CCSER1: variants seen among roughly 807,000 people sequenced by gnomAD.
CCSER1 encodes serine-rich coiled-coil domain-containing protein 1.
In CCSER1, 41 loss-of-function variants were observed where a neutral mutation model predicts 82.0. The observed-to-expected ratio is 0.50, with a 90% confidence interval of 0.39 to 0.65. CCSER1 has a LOEUF of 0.65. Among genes scored for constraint, CCSER1 ranks in the 30% least tolerant of loss-of-function variants. The probability of loss-of-function intolerance (pLI) is 0.00; values close to 1 mark genes in which losing one functional copy is unlikely to be tolerated. For missense variants in CCSER1, 1,119 were observed against 1,064.2 expected, an observed-to-expected ratio of 1.05 and a Z score of -0.72; for synonymous variants, 414 against 383.9, an observed-to-expected ratio of 1.08 and a Z score of -0.92.
intron 5 of CCSER1, among the ~76,000 whole-genome samples, chr4:90,586,484 C>T (rs115480742): frequency 0.013 from 1,995 of 151,978 alleles, 37 homozygotes; most frequent in African/African-American, 0.04. Context: ...TTAATTAATG[C>T]GAGAATCAGA....
chr4:90,552,174 T>C (rs1335153189), intron 5 of CCSER1, among the ~76,000 whole-genome samples: 1 of 152,142 alleles, frequency 6.6e-6, no homozygotes, highest in African/African-American at 2.4e-5. Flanking sequence ...GCCATTAAGT[T>C]TCAACACCTG....
chr4:91,485,023 A>G (rs1758141319), intron 10 of CCSER1, among the ~76,000 whole-genome samples: 1 of 152,180 alleles, frequency 6.6e-6, no homozygotes, highest in Non-Finnish European at 1.5e-5. Context: ...AATTCCATTC[A>G]TAGGCTTGAC....
intron 1 of CCSER1, among the ~76,000 whole-genome samples, chr4:90,263,383 C>T (rs1724683570): frequency 6.6e-6 from 1 of 152,210 alleles, no homozygotes; most frequent in Non-Finnish European, 1.5e-5. Flanking sequence ...CATTGGGAAG[C>T]AGCACCAGCT....
At chr4:91,278,314 T>C (rs1742636424) in intron 10 of CCSER1, among the ~76,000 whole-genome samples, 1 of 152,140 alleles carries the variant, frequency 6.6e-6, no homozygotes, top group African/African-American at 2.4e-5. Context: ...TTGGAATCTG[T>C]TCTTCCCTTT....
At chr4:91,361,690 G>T (rs1322395378) in intron 10 of CCSER1, among the ~76,000 whole-genome samples, 1 of 151,770 alleles carries the variant, frequency 6.6e-6, no homozygotes, top group Admixed American at 6.6e-5. Flanking sequence ...AATCTATGAA[G>T]ACACTAATTA....
At chr4:91,467,728 G>A (rs1377683321) in intron 10 of CCSER1, among the ~76,000 whole-genome samples, 3 of 152,200 alleles carry the variant, frequency 2.0e-5, no homozygotes, top group South Asian at 4.1e-4. Context: ...AGACATGTAT[G>A]CAGCCAACAG....
At chr4:90,953,994 A>G (rs1473372) in intron 9 of CCSER1, among the ~76,000 whole-genome samples, 42,155 of 151,876 alleles carry the variant, frequency 0.28, 7,097 homozygotes, top group East Asian at 0.38. Context: ...TGCCTCTCAT[A>G]AAAGTAGCAT....
At chr4:90,970,488 C>G (rs1293743214) in intron 9 of CCSER1, among the ~76,000 whole-genome samples, 1 of 151,678 alleles carries the variant, frequency 6.6e-6, no homozygotes, top group Non-Finnish European at 1.5e-5. Flanking sequence ...AAGAAATAGA[C>G]AGAAATACAA....
chr4:91,107,281 G>A (rs776958442), intron 10 of CCSER1, among the ~76,000 whole-genome samples: 1 of 151,970 alleles, frequency 6.6e-6, no homozygotes, highest in Non-Finnish European at 1.5e-5. Context: ...TTGAGACAGA[G>A]CCCCGCTCTG....
intron 5 of CCSER1, among the ~76,000 whole-genome samples, chr4:90,542,360 C>T (rs1286912876): frequency 2.0e-5 from 3 of 152,050 alleles, no homozygotes; most frequent in Non-Finnish European, 4.4e-5. Context: ...ATGGAGTTTT[C>T]GCTCAGCAGG....
intron 9 of CCSER1, chr4:91,015,509 A>G (rs144237882): frequency 1.3e-5 from 2 of 152,018 alleles, no homozygotes; most frequent in African/African-American, 2.4e-5. Flanking sequence ...GAAATTATAA[A>G]AGTTTTATTA....
At chr4:90,850,379 C>T (rs1413585203) in intron 8 of CCSER1, among the ~76,000 whole-genome samples, 1 of 152,184 alleles carries the variant, frequency 6.6e-6, no homozygotes, top group African/African-American at 2.4e-5. Flanking sequence ...GATCCACCAA[C>T]AGCTTGCACC....
At chr4:90,295,410 G>T (rs771316812) in intron 1 of CCSER1, among the ~76,000 whole-genome samples, 100 of 151,982 alleles carry the variant, frequency 6.6e-4, no homozygotes, top group East Asian at 3.3e-3. Flanking sequence ...TTGAATATCT[G>T]CTCGTAATGT....
intron 6 of CCSER1, among the ~76,000 whole-genome samples, chr4:90,706,995 A>T: frequency 6.6e-6 from 1 of 152,088 alleles, no homozygotes; most frequent in East Asian, 1.9e-4. Flanking sequence ...TCCTCCTTAT[A>T]ATTTCCTAAC....
intron 9 of CCSER1, among the ~76,000 whole-genome samples, chr4:90,967,593 A>G (rs907367554): frequency 6.6e-6 from 1 of 152,128 alleles, no homozygotes; most frequent in African/African-American, 2.4e-5. Context: ...AGCTAATACT[A>G]CAAAATTTTT....
At chr4:90,448,810 T>C (rs1471323195) in intron 4 of CCSER1, among the ~76,000 whole-genome samples, 3 of 152,094 alleles carry the variant, frequency 2.0e-5, no homozygotes, top group Non-Finnish European at 4.4e-5. Flanking sequence ...TTTTGTCTTC[T>C]TTCTCATGTT....
At chr4:90,932,511 T>C (rs1429287646) in intron 9 of CCSER1, among the ~76,000 whole-genome samples, 3 of 152,048 alleles carry the variant, frequency 2.0e-5, no homozygotes, top group African/African-American at 4.8e-5. Flanking sequence ...AAAAGTATTA[T>C]GTTTTTAAGT....
At chr4:91,067,349 C>CTT (rs1293928080) in intron 9 of CCSER1, among the ~76,000 whole-genome samples, 1 of 135,536 alleles carries the variant, frequency 7.4e-6, no homozygotes. Flanking sequence ...TTTTTTTTTT[C>CTT]TTTTTTTTTT....
chr4:90,314,325 G>A (rs1438870355), intron 3 of CCSER1, among the ~76,000 whole-genome samples: 3 of 152,148 alleles, frequency 2.0e-5, no homozygotes, highest in African/African-American at 7.2e-5. Flanking sequence ...TTTGGTCTAA[G>A]TATGAAAATA....
Sources: gnomAD v4.1 joint callset for allele counts (sites outside exome capture counted in the v4.1 genomes callset) on GRCh38, gnomAD v4.1.1 for gene constraint, MANE v1.5 for transcripts, NCBI Gene and HGNC (gene_info 2026-07-23, HGNC 2026-07-21) for gene names.